The following TMEM182 variants were observed in gnomAD, a reference collection of about 807,000 sequenced individuals.
TMEM182 encodes the protein transmembrane protein 182.
TMEM182 carries 20 observed loss-of-function variants against 26.8 expected under a neutral mutation model. The observed-to-expected ratio is 0.75, with a 90% confidence interval of 0.53 to 1.09. The LOEUF (loss-of-function observed/expected upper bound fraction) is 1.09. Ranked by LOEUF, TMEM182 falls within the 50% of genes least tolerant of loss-of-function variation. The pLI is 0.00. For synonymous variants in TMEM182, 109 were observed against 102.2 expected (o/e 1.07, Z -0.40); for missense variants, 277 against 275.5 (o/e 1.01, Z -0.04).
chr2:102,773,276 G>A (rs370552341), intron 3 of TMEM182, among the ~76,000 whole-genome samples: 3 of 152,156 alleles, frequency 2.0e-5, no homozygotes, highest in Non-Finnish European at 4.4e-5. Context: ...AAGCAACATA[G>A]CTTGGCCGAT....
chr2:102,780,085 ATCT>A (rs1681106350), intron 3 of TMEM182, among the ~76,000 whole-genome samples: 1 of 151,656 alleles, frequency 6.6e-6, no homozygotes, highest in Non-Finnish European at 1.5e-5. Flanking sequence ...CTATTTCCAA[ATCT>A]TCTTCAGATA....
chr2:102,823,586 GC>G (rs1389093027), intron 3 of TMEM182, among the ~76,000 whole-genome samples: 2 of 152,086 alleles, frequency 1.3e-5, no homozygotes, highest in Non-Finnish European at 2.9e-5. Context: ...GCCCACCTCG[GC>G]CTCCCAAAGT....
intron 1 of TMEM182, among the ~76,000 whole-genome samples, chr2:102,737,946 G>A (rs1011708499): frequency 2.0e-5 from 3 of 152,178 alleles, no homozygotes; most frequent in Non-Finnish European, 4.4e-5. Context: ...ATTCAGTGTT[G>A]CAAAGTTTCT....
intron 3 of TMEM182, among the ~76,000 whole-genome samples, chr2:102,778,707 A>G (rs201889449): frequency 0.047 from 1,707 of 35,970 alleles, 23 homozygotes; most frequent in South Asian, 0.15. Context: ...AATACATGTT[A>G]TTATGGTCTA....
At chr2:102,764,923 C>T (rs1573505103) in intron 3 of TMEM182, among the ~76,000 whole-genome samples, 1 of 151,598 alleles carries the variant, frequency 6.6e-6, no homozygotes. Context: ...TGTAATATCC[C>T]ATAGGAGACA....
chr2:102,736,959 C>T (rs1679368415), exon 1 of TMEM182: 2 of 954,440 alleles, frequency 2.1e-6, no homozygotes, highest in Admixed American at 3.1e-5. Flanking sequence ...GTGGCCGGTG[C>T]TGGCTGGGAG....
At chr2:102,828,623 T>C (rs1020509061) in intron 3 of TMEM182, among the ~76,000 whole-genome samples, 1 of 152,184 alleles carries the variant, frequency 6.6e-6, no homozygotes, top group Non-Finnish European at 1.5e-5. Context: ...GGGAAGTGTC[T>C]CTGACAGTTT....
intron 3 of TMEM182, among the ~76,000 whole-genome samples, chr2:102,767,776 A>G (rs910682199): frequency 2.0e-5 from 3 of 152,260 alleles, no homozygotes; most frequent in African/African-American, 7.2e-5. Flanking sequence ...GGAAATGTTT[A>G]GAAACTCAAT....
At chr2:102,738,722 A>C (rs1489832617) in intron 1 of TMEM182, among the ~76,000 whole-genome samples, 2 of 152,198 alleles carry the variant, frequency 1.3e-5, no homozygotes, top group African/African-American at 4.8e-5. Flanking sequence ...ATTAGGCAGA[A>C]TTCACTAGTA....
At chr2:102,755,052 A>G (rs1679991333) in intron 1 of TMEM182, among the ~76,000 whole-genome samples, 1 of 152,220 alleles carries the variant, frequency 6.6e-6, no homozygotes, top group Admixed American at 6.5e-5. Context: ...TAATTTAAGA[A>G]ACAAACTTAG....
chr2:102,792,908 G>A (rs368254192), intron 3 of TMEM182, among the ~76,000 whole-genome samples: 3 of 152,150 alleles, frequency 2.0e-5, no homozygotes, highest in East Asian at 1.9e-4. Context: ...ATTCTGGGGC[G>A]CATTTTTTCC....
Position 102,810,772 on chromosome 2 carries a change from G to A in TMEM182, c.470-3976G>A, listed in dbSNP as rs769071986. On this transcript the variant is annotated intron_variant, in intron 4 of 4. Transcript: ENST00000412401. ...TTATAAAATTCAATTGGAAATAAAT[G>A]TGTGCTTTCCAAATGTATGACCAAA... 5.3e-5 allele frequency among the ~76,000 whole-genome samples: 8 copies of A among 151,994 alleles called. No homozygotes were observed. The South Asian group carries it at 6.2e-4, about 12-fold the overall frequency.
At chr2:102,739,267 A>G (rs1437453255) in intron 1 of TMEM182, among the ~76,000 whole-genome samples, 1 of 152,192 alleles carries the variant, frequency 6.6e-6, no homozygotes, top group Non-Finnish European at 1.5e-5. Context: ...ATCTTTGACT[A>G]TGGCTAATTG....
intron 1 of TMEM182, among the ~76,000 whole-genome samples, chr2:102,748,875 G>A (rs935927457): frequency 2.0e-5 from 3 of 151,824 alleles, no homozygotes; most frequent in South Asian, 2.1e-4. Flanking sequence ...TCCAGTTATC[G>A]AAGCTTTGAT....
chr2:102,791,357 A>G (rs1681627723), intron 3 of TMEM182, among the ~76,000 whole-genome samples: 1 of 152,256 alleles, frequency 6.6e-6, no homozygotes, highest in Admixed American at 6.5e-5. Context: ...TTGATATCAT[A>G]TTTCAGTACA....
exon 1 of TMEM182, chr2:102,736,955 G>C (rs1449336495): frequency 6.1e-6 from 6 of 987,706 alleles, no homozygotes; most frequent in Non-Finnish European, 7.2e-6. Context: ...GTGCGTGGCC[G>C]GTGCTGGCTG....
At chr2:102,760,161 G>A (rs1349520456), upstream of TMEM182, among the ~76,000 whole-genome samples, 1 of 152,190 alleles carries the variant, frequency 6.6e-6, no homozygotes, top group Non-Finnish European at 1.5e-5. Flanking sequence ...ACGGAGAGGA[G>A]GAGGTCTGGA....
At chr2:102,778,233 T>C (rs1663585741) in intron 3 of TMEM182, among the ~76,000 whole-genome samples, 1 of 152,032 alleles carries the variant, frequency 6.6e-6, no homozygotes. Context: ...GTCTTCTTAG[T>C]AGATTGAGCT....
At position 102,762,584 on chromosome 2, in the gene TMEM182, C is replaced by G; in HGVS notation, c.133-3C>G. ...GCAAGTTACTTCATTTTGTTCTGTG[C>G]AGATAGAGAACGTCACTTTTCACCA... On this transcript the variant is annotated splice_region_variant and splice_polypyrimidine_tract_variant and intron_variant, in intron 1 of 4. Transcript: ENST00000412401. 1 of 1,612,528 alleles carries G rather than the reference C, an allele frequency of 6.2e-7. No homozygotes were observed. Among genetic ancestry groups the G allele is most frequent in the Non-Finnish European group, 8.5e-7 (1 of 1,179,300 alleles).
Sources: allele counts gnomAD v4.1 joint callset (sites outside exome capture counted in the v4.1 genomes callset), GRCh38; gene constraint gnomAD v4.1.1; transcripts MANE v1.5; gene names NCBI Gene and HGNC (gene_info 2026-07-23, HGNC 2026-07-21).